NCAM2: variants seen among roughly 807,000 people sequenced by gnomAD.
The protein encoded by NCAM2 is N-CAM-2.
NCAM2 carries 30 observed loss-of-function variants against 98.1 expected under a neutral mutation model. The observed-to-expected ratio is 0.31, with a 90% confidence interval of 0.23 to 0.41. The LOEUF is 0.41. NCAM2 is among the 10% of genes least tolerant of loss of function. The pLI, the probability that NCAM2 is intolerant of heterozygous loss-of-function variation, is 1.00. For synonymous variants in NCAM2, 368 were observed against 342.4 expected, an observed-to-expected ratio of 1.07 and a Z score of -0.83; for missense variants, 867 against 1,005.8, an observed-to-expected ratio of 0.86 and a Z score of 1.87.
intron 15 of NCAM2, among the ~76,000 whole-genome samples, chr21:21,484,366 C>G (rs1569109745): frequency 1.3e-5 from 2 of 151,898 alleles, no homozygotes; most frequent in African/African-American, 4.8e-5. Flanking sequence ...CGTTTTTTCT[C>G]TTTTGATTTC....
intron 1 of NCAM2, among the ~76,000 whole-genome samples, chr21:21,165,971 G>A (rs965470882): frequency 2.0e-5 from 3 of 152,118 alleles, no homozygotes; most frequent in African/African-American, 7.2e-5. Context: ...AACCTTTCCT[G>A]TTTAATGATG....
At chr21:21,346,536 G>A (rs930042549) in intron 8 of NCAM2, among the ~76,000 whole-genome samples, 7 of 151,962 alleles carry the variant, frequency 4.6e-5, no homozygotes, top group African/African-American at 1.7e-4. Flanking sequence ...TAATGGATCT[G>A]GTAGATGTTT....
rs141270784 is a variant in NCAM2 at position 21,480,786 on chromosome 21, A to T, written c.2077+3315A>T. Among the ~76,000 whole-genome samples, 5 of 152,242 alleles carry T rather than the reference A, an allele frequency of 3.3e-5. 1 individual carries two copies. In the South Asian group the frequency reaches 1.0e-3, roughly 31 times the overall value. Reference sequence around the variant, plus strand: ...AGAACGAAAAATTTCCTGACACATTATAAGTGTAGACTAACGCTGCCTTTG... The same window carrying T: ...AGAACGAAAAATTTCCTGACACATTTTAAGTGTAGACTAACGCTGCCTTTG... On this transcript the variant is annotated intron_variant, in intron 15 of 17. Transcript: ENST00000400546.
rs550161750 is a variant in NCAM2 at position 21,295,829 on chromosome 21, G to A, written c.619+3588G>A. On this transcript the variant is annotated intron_variant, in intron 5 of 17. Coordinates refer to ENST00000400546, the MANE Select transcript of NCAM2 (RefSeq NM_004540.5). ...AGACAAATGCAAAACTAGTGCTTTT[G>A]TCTGTTTCTCTCTCTCTCTCTCTCT... 1.9e-4 allele frequency among the ~76,000 whole-genome samples: 29 copies of A among 149,270 alleles called. No homozygotes were observed. In the South Asian group the frequency reaches 6.1e-3, roughly 31 times the overall value.
chr21:21,088,949 C>T (rs1307701365), intron 1 of NCAM2, among the ~76,000 whole-genome samples: 2 of 146,000 alleles, frequency 1.4e-5, no homozygotes, highest in African/African-American at 2.6e-5. Context: ...CCAGCCTGGG[C>T]GACAGAGCGA....
intron 1 of NCAM2, among the ~76,000 whole-genome samples, chr21:21,198,023 A>G (rs2069070101): frequency 6.6e-6 from 1 of 152,062 alleles, no homozygotes; most frequent in Non-Finnish European, 1.5e-5. Flanking sequence ...AAAACTTCCT[A>G]CTTTACCTGG....
At chr21:21,073,381 G>T (rs555136300) in intron 1 of NCAM2, among the ~76,000 whole-genome samples, 1 of 152,166 alleles carries the variant, frequency 6.6e-6, no homozygotes, top group South Asian at 2.1e-4. Context: ...AAAAAGAGTT[G>T]CAAATGTAAG....
At chr21:21,031,128 G>T (rs2064672907) in intron 1 of NCAM2, among the ~76,000 whole-genome samples, 1 of 152,046 alleles carries the variant, frequency 6.6e-6, no homozygotes, top group Admixed American at 6.5e-5. Flanking sequence ...TAATCTTGGA[G>T]TTAATAGAAC....
chr21:21,019,529 AT>A (rs1332707986), intron 1 of NCAM2, among the ~76,000 whole-genome samples: 1 of 152,196 alleles, frequency 6.6e-6, no homozygotes, highest in East Asian at 1.9e-4. Flanking sequence ...GTTCCTTAAT[AT>A]TTTCATCCAT....
chr21:21,137,399 G>T (rs781122535), intron 1 of NCAM2, among the ~76,000 whole-genome samples: 2 of 152,156 alleles, frequency 1.3e-5, no homozygotes, highest in African/African-American at 4.8e-5. Context: ...ACTTAAACAT[G>T]TTCCTATAAA....
At chr21:21,249,095 TA>T (rs1428396991) in intron 1 of NCAM2, among the ~76,000 whole-genome samples, 1 of 152,128 alleles carries the variant, frequency 6.6e-6, no homozygotes, top group Non-Finnish European at 1.5e-5. Flanking sequence ...AATAAAATAA[TA>T]ATAATGATAA....
intron 1 of NCAM2, among the ~76,000 whole-genome samples, chr21:21,068,330 C>T (rs2146353358): frequency 6.6e-6 from 1 of 151,698 alleles, no homozygotes; most frequent in South Asian, 2.1e-4. Context: ...GACTGGGCTT[C>T]ACCATGTTGG....
At chr21:21,138,977 G>A (rs1432294730) in intron 1 of NCAM2, among the ~76,000 whole-genome samples, 2 of 152,142 alleles carry the variant, frequency 1.3e-5, no homozygotes, top group African/African-American at 4.8e-5. Context: ...GTGAATGGTG[G>A]TCACCCCAGA....
chr21:21,214,160 T>G lies in NCAM2; in HGVS notation c.56-66418T>G, dbSNP rs528719423. On this transcript the variant is annotated intron_variant, in intron 1 of 17. Coordinates refer to ENST00000400546, the MANE Select transcript of NCAM2 (RefSeq NM_004540.5). ...AGTTGAGCTCATGGTGTTGTGTGGG[T>G]GTATTTTGTGCTTTCCACTTATTTT... Among the ~76,000 whole-genome samples the G allele has an allele frequency of 1.3e-3, 197 of 152,236 alleles. 1 individual carries two copies. The highest frequency in any genetic ancestry group is 4.5e-3 in the African/African-American group (185 of 41,542).
At chr21:21,141,150 C>G (rs780172095) in intron 1 of NCAM2, among the ~76,000 whole-genome samples, 1 of 152,104 alleles carries the variant, frequency 6.6e-6, no homozygotes, top group Non-Finnish European at 1.5e-5. Flanking sequence ...AATTTCAAAA[C>G]GTATAACACT....
At chr21:21,093,205 A>G (rs528075102) in intron 1 of NCAM2, among the ~76,000 whole-genome samples, 8 of 152,248 alleles carry the variant, frequency 5.3e-5, no homozygotes, top group African/African-American at 9.6e-5. Flanking sequence ...GAGTCTGCCA[A>G]CTGTCTCCTG....
At chr21:21,057,986 T>C (rs2065247347) in intron 1 of NCAM2, among the ~76,000 whole-genome samples, 1 of 152,060 alleles carries the variant, frequency 6.6e-6, no homozygotes, top group Non-Finnish European at 1.5e-5. Flanking sequence ...AAGAATTTCC[T>C]GCTCCCAATG....
At chr21:21,304,587 G>T (rs936584464) in intron 5 of NCAM2, among the ~76,000 whole-genome samples, 6 of 151,918 alleles carry the variant, frequency 3.9e-5, no homozygotes, top group African/African-American at 1.4e-4. Flanking sequence ...AATACTCTAG[G>T]TTCTGTTCAT....
chr21:21,474,609 C>T (rs1322702676), intron 14 of NCAM2, among the ~76,000 whole-genome samples: 1 of 151,776 alleles, frequency 6.6e-6, no homozygotes, highest in Non-Finnish European at 1.5e-5. Flanking sequence ...CCAAGTATTT[C>T]CACAAAAATA....
Sources: allele counts gnomAD v4.1 joint callset (sites outside exome capture counted in the v4.1 genomes callset), GRCh38; gene constraint gnomAD v4.1.1; transcripts MANE v1.5; gene names NCBI Gene and HGNC (gene_info 2026-07-23, HGNC 2026-07-21).